TGFBR2: variants seen among roughly 807,000 people sequenced by gnomAD.
TGFBR2 encodes the protein TGF-beta receptor type-2.
In TGFBR2, 18 loss-of-function variants were observed where a neutral mutation model predicts 49.0. That is an observed-to-expected ratio of 0.37 (90% CI 0.25 to 0.54). TGFBR2 has a LOEUF of 0.54. Ranked by LOEUF, TGFBR2 falls within the 20% of genes least tolerant of loss-of-function variation. TGFBR2 has a pLI of 0.85. For synonymous variants in TGFBR2, 282 were observed against 275.9 expected (o/e 1.02, Z -0.22); for missense variants, 525 against 722.6 (o/e 0.73, Z 3.13).
At position 30,611,421 on chromosome 3, in the gene TGFBR2, G is replaced by A. The variant is rs183461621; in HGVS notation, c.94+4444G>A. Among the ~76,000 whole-genome samples, 4 of 152,248 alleles carry A rather than the reference G, an allele frequency of 2.6e-5. No individual in the cohort carries two copies. In the East Asian group the frequency reaches 7.7e-4, roughly 29 times the overall value. On this transcript the variant is annotated intron_variant, in intron 1 of 6. Transcript: ENST00000295754. ...GGTTCTTGTATTCTCATGAAATATG[G>A]AAAAAGATGTTTCAACTTCTGACAA...
intron 1 of TGFBR2, among the ~76,000 whole-genome samples, chr3:30,618,586 A>G (rs770978501): frequency 6.6e-6 from 1 of 152,130 alleles, no homozygotes; most frequent in South Asian, 2.1e-4. Context: ...TGTTTACCTC[A>G]TTAGGCATTT....
chr3:30,686,607 T>C (rs1021214911), intron 5 of TGFBR2, among the ~76,000 whole-genome samples: 2 of 152,272 alleles, frequency 1.3e-5, no homozygotes, highest in Admixed American at 1.3e-4. Context: ...AAATGTCATC[T>C]TGCCATGAAA....
intron 1 of TGFBR2, 86 bp downstream of exon 1, chr3:30,607,063 C>T (rs1697936597): frequency 2.5e-6 from 3 of 1,181,510 alleles, no homozygotes; most frequent in African/African-American, 1.6e-5. Context: ...CAGTCGGGCC[C>T]GGCAACCCGG....
chr3:30,650,569 G>C (rs910731706), intron 3 of TGFBR2, 109 bp downstream of exon 3: 2 of 1,204,238 alleles, frequency 1.7e-6, no homozygotes, highest in Non-Finnish European at 2.4e-6. Context: ...ATTGCATACA[G>C]TGGATTAGGA....
At chr3:30,614,092 T>TA (rs1161904444) in intron 1 of TGFBR2, among the ~76,000 whole-genome samples, 2 of 151,242 alleles carry the variant, frequency 1.3e-5, no homozygotes, top group African/African-American at 4.9e-5. Flanking sequence ...AAGTGAACTT[T>TA]AGCTCTATAC....
chr3:30,646,373 G>A (rs555968456), intron 2 of TGFBR2, among the ~76,000 whole-genome samples: 2 of 152,342 alleles, frequency 1.3e-5, no homozygotes, highest in Admixed American at 1.3e-4. Context: ...GTTCAGAGGA[G>A]AGGGACCAGT....
chr3:30,634,017 A>G (rs576832126), intron 1 of TGFBR2, among the ~76,000 whole-genome samples: 62 of 152,266 alleles, frequency 4.1e-4, no homozygotes, highest in African/African-American at 1.4e-3. Flanking sequence ...ATCTGTTTTG[A>G]CCAATATTTT....
chr3:30,653,250 C>CTTTTTTTTTT (rs3076740), intron 3 of TGFBR2, among the ~76,000 whole-genome samples: 2 of 113,426 alleles, frequency 1.8e-5, no homozygotes, highest in Non-Finnish European at 3.4e-5. Flanking sequence ...GGAATGAAAA[C>CTTTTTTTTTT]TTTTTTTTTT....
In TGFBR2 at chr3:30,611,114, C is replaced by T. The variant is rs372879924; in HGVS notation, c.94+4137C>T. On this transcript the variant is annotated intron_variant, in intron 1 of 6. Coordinates refer to ENST00000295754, the MANE Select transcript of TGFBR2 (RefSeq NM_003242.6). Reference sequence around the variant, plus strand: ...ATACCAAGCCAAAGTCATATCTTTACGTAACTCTCTTGCCCATTATACCTT... The same window carrying T: ...ATACCAAGCCAAAGTCATATCTTTATGTAACTCTCTTGCCCATTATACCTT... Among the ~76,000 whole-genome samples, 7 of 152,330 alleles carry T rather than the reference C, an allele frequency of 4.6e-5. No individual in the cohort carries two copies. In the East Asian group the frequency reaches 7.7e-4, roughly 17 times the overall value.
intron 5 of TGFBR2, among the ~76,000 whole-genome samples, chr3:30,686,171 T>A (rs1299264827): frequency 1.3e-5 from 2 of 152,234 alleles, no homozygotes; most frequent in Admixed American, 6.5e-5. Context: ...CTCATATTTA[T>A]TAAATTCTTA....
chr3:30,691,659 G>A lies in TGFBR2; in HGVS notation c.*60G>A. The A allele has an allele frequency of 1.9e-6, 3 of 1,606,500 alleles. No homozygotes were observed. Among genetic ancestry groups the A allele is most frequent in the Non-Finnish European group, 2.6e-6 (3 of 1,173,810 alleles). The stretch of plus-strand genomic sequence containing the variant: ...GCTGCCCCTCTCACCAAAGAACAGA[G>A]GCAGCAGGAAGCTGCCCCTGAACTG... On this transcript the variant is annotated 3_prime_UTR_variant, in exon 7 of 7. Coordinates refer to ENST00000295754, the MANE Select transcript of TGFBR2 (RefSeq NM_003242.6).
chr3:30,684,403 A>T (rs1202341805), intron 5 of TGFBR2, among the ~76,000 whole-genome samples: 2 of 152,358 alleles, frequency 1.3e-5, no homozygotes, highest in East Asian at 3.9e-4. Context: ...TGTTACATAA[A>T]TAGGACATTT....
intron 1 of TGFBR2, among the ~76,000 whole-genome samples, chr3:30,618,018 C>T (rs1272976523): frequency 2.0e-5 from 3 of 152,150 alleles, no homozygotes; most frequent in Non-Finnish European, 4.4e-5. Flanking sequence ...GAAGAGTTGG[C>T]TTAGTTTTAT....
At chr3:30,620,449 A>G (rs1479761024) in intron 1 of TGFBR2, among the ~76,000 whole-genome samples, 2 of 151,318 alleles carry the variant, frequency 1.3e-5, no homozygotes, top group African/African-American at 4.9e-5. Context: ...CACCTGTAGT[A>G]TTGTTTGACA....
At position 30,672,288 on chromosome 3, in the gene TGFBR2, G is replaced by C. The variant is rs765447250; in HGVS notation, c.1105G>C (p.Gly369Arg). Residue 369 changes from glycine (G) to arginine (R), a missense_variant, in exon 4 of 7, where the codon GGG (glycine) becomes CGG (arginine). Physicochemically the swap from Gly to Arg is moderately radical, Grantham distance 125. Transcript: ENST00000295754. The surrounding 1 kb of genome is among the most constrained non-coding windows in gnomAD (Gnocchi z 4.5). ...AHLHSDHTPC[G>R]RPKMPIVHRD... ...CCTCCACAGTGATCACACTCCATGT[G>C]GGAGGCCCAAGATGCCCATCGTGCA... 1 of 1,605,880 alleles carries C rather than the reference G, an allele frequency of 6.2e-7. No homozygotes were observed. The highest frequency in any genetic ancestry group is 1.1e-5 in the South Asian group (1 of 89,770).
chr3:30,634,903 T>C (rs979919622), intron 1 of TGFBR2, among the ~76,000 whole-genome samples: 10 of 152,210 alleles, frequency 6.6e-5, no homozygotes, highest in East Asian at 1.9e-4. Context: ...TAATATACCA[T>C]TTGCATTTAT....
intron 2 of TGFBR2, among the ~76,000 whole-genome samples, chr3:30,648,648 C>A (rs1251123280): frequency 6.6e-6 from 1 of 152,128 alleles, no homozygotes; most frequent in Non-Finnish European, 1.5e-5. Context: ...AATTATTCTG[C>A]TTGTCACTCT....
intron 1 of TGFBR2, among the ~76,000 whole-genome samples, chr3:30,620,905 T>G (rs1001319816): frequency 6.6e-6 from 1 of 152,192 alleles, no homozygotes; most frequent in Non-Finnish European, 1.5e-5. Flanking sequence ...CTGGTTGTAC[T>G]TTTTGGAAAG....
chr3:30,682,544 C>T (rs866317171), intron 5 of TGFBR2, among the ~76,000 whole-genome samples: 3 of 152,132 alleles, frequency 2.0e-5, no homozygotes, highest in Non-Finnish European at 4.4e-5. Flanking sequence ...GAGAGAGGCC[C>T]AAGGTCAAGC....
Sources: gnomAD v4.1 joint callset for allele counts (sites outside exome capture counted in the v4.1 genomes callset) on GRCh38, gnomAD v4.1.1 for gene constraint, Gnocchi (gnomAD v3.1) non-coding constraint, MANE v1.5 for transcripts, NCBI Gene and HGNC (gene_info 2026-07-23, HGNC 2026-07-21) for gene names.